Variants in DPP10 observed in about 807,000 individuals in gnomAD.
The protein encoded by DPP10 is dipeptidyl peptidase like 10, also known as inactive dipeptidyl peptidase 10.
Under a neutral mutation model 120.9 loss-of-function variants are expected in DPP10, and 33 were observed. The ratio of observed to expected loss-of-function variants is 0.27; its 90% CI spans 0.21 to 0.37. The LOEUF (loss-of-function observed/expected upper bound fraction) is 0.37, where lower values mean the gene tolerates loss of function less well. Among genes scored for constraint, DPP10 ranks in the 10% least tolerant of loss-of-function variants. The probability of loss-of-function intolerance (pLI) is 1.00; values close to 1 mark genes in which losing one functional copy is unlikely to be tolerated. For synonymous variants in DPP10, 337 were observed against 326.1 expected (o/e 1.03, Z -0.36); for missense variants, 816 against 942.8 (o/e 0.87, Z 1.76).
chr2:114,547,232 C>T (rs1328013989), intron 1 of DPP10, among the ~76,000 whole-genome samples: 2 of 152,214 alleles, frequency 1.3e-5, no homozygotes, highest in African/African-American at 2.4e-5. Context: ...AGCCCTGGGT[C>T]GCTGGCCTTC....
chr2:115,674,584 C>T (rs1419623191), intron 5 of DPP10, among the ~76,000 whole-genome samples: 2 of 152,084 alleles, frequency 1.3e-5, no homozygotes, highest in Non-Finnish European at 2.9e-5. Flanking sequence ...ATTTTCAAGG[C>T]TCAGTTGGTT....
At chr2:114,875,290 T>A (rs1308419292) in intron 1 of DPP10, among the ~76,000 whole-genome samples, 2 of 152,128 alleles carry the variant, frequency 1.3e-5, no homozygotes, top group Admixed American at 1.3e-4. Context: ...GGAGAAATAT[T>A]TGATGTAGTT....
At chr2:114,969,176 G>A (rs1300585528) in intron 1 of DPP10, among the ~76,000 whole-genome samples, 1 of 152,140 alleles carries the variant, frequency 6.6e-6, no homozygotes, top group South Asian at 2.1e-4. Context: ...ACTTCTGGCT[G>A]ATGTCATATA....
intron 5 of DPP10, among the ~76,000 whole-genome samples, chr2:115,554,197 C>T (rs2080066162): frequency 1.3e-5 from 2 of 151,732 alleles, no homozygotes; most frequent in African/African-American, 4.8e-5. Flanking sequence ...TAAAATTGGT[C>T]ATAATTGCTG....
chr2:114,604,176 C>T (rs576899862), intron 1 of DPP10, among the ~76,000 whole-genome samples: 2 of 152,074 alleles, frequency 1.3e-5, no homozygotes, highest in African/African-American at 2.4e-5. Context: ...AAATTCCAGA[C>T]ATCCTGAAGT....
chr2:115,225,246 G>A (rs2057374169), intron 1 of DPP10, among the ~76,000 whole-genome samples: 1 of 152,048 alleles, frequency 6.6e-6, no homozygotes. Context: ...CTCGCTCCAA[G>A]AGGGAAGATT....
Position 114,730,734 on chromosome 2 carries a change from C to A in DPP10, c.60+287896C>A, listed in dbSNP as rs538137705. ...TCCGCCTCCCGAGTAGCTGGGACTA[C>A]CGACATGCACCACCAGGCCTGGCTA... is the stretch of plus-strand genomic sequence containing the variant. On this transcript the variant is annotated intron_variant, in intron 1 of 25. Transcript: ENST00000410059. Among the ~76,000 whole-genome samples, 131 of 152,086 alleles carry A rather than the reference C, an allele frequency of 8.6e-4. 1 individual carries two copies. The highest frequency in any genetic ancestry group is 1.5e-3 in the Non-Finnish European group (100 of 67,996).
At chr2:115,445,029 T>C (rs562712362) in intron 3 of DPP10, among the ~76,000 whole-genome samples, 121 of 152,282 alleles carry the variant, frequency 7.9e-4, no homozygotes, top group African/African-American at 2.8e-3. Context: ...GCTGTTCTTA[T>C]GATAGTGAGT....
intron 1 of DPP10, among the ~76,000 whole-genome samples, chr2:114,521,473 C>T (rs568948977): frequency 1.3e-5 from 2 of 151,394 alleles, no homozygotes; most frequent in African/African-American, 2.4e-5. Context: ...AATTAGAAAG[C>T]GATTAGATAC....
chr2:115,330,023 A>G (rs2062615498), intron 2 of DPP10, among the ~76,000 whole-genome samples: 1 of 152,308 alleles, frequency 6.6e-6, no homozygotes, highest in Admixed American at 6.5e-5. Context: ...ACTGTCTGCC[A>G]TAATGGTTGA....
intron 1 of DPP10, among the ~76,000 whole-genome samples, chr2:114,655,030 T>C (rs1300913971): frequency 1.3e-5 from 2 of 152,322 alleles, no homozygotes; most frequent in Middle Eastern, 3.4e-3. Context: ...GATAAGTTAG[T>C]TAATATTCCT....
chr2:115,836,402 T>C, intron 22 of DPP10, 105 bp from the exon 23 acceptor site: 1 of 1,474,068 alleles, frequency 6.8e-7, no homozygotes, highest in Non-Finnish European at 9.3e-7. Context: ...ATTCAGCTGA[T>C]TTTACTAAAG....
intron 3 of DPP10, among the ~76,000 whole-genome samples, chr2:115,491,136 C>T (rs771443804): frequency 6.6e-6 from 1 of 152,034 alleles, no homozygotes; most frequent in Non-Finnish European, 1.5e-5. Context: ...AAAACAAAAA[C>T]AAACAAAACC....
intron 2 of DPP10, among the ~76,000 whole-genome samples, chr2:115,340,214 C>A (rs2063375992): frequency 6.6e-6 from 1 of 151,980 alleles, no homozygotes; most frequent in Non-Finnish European, 1.5e-5. Flanking sequence ...AAAATAAAAA[C>A]TCATAATTGA....
At chr2:115,039,256 T>C (rs961972313) in intron 1 of DPP10, among the ~76,000 whole-genome samples, 4 of 152,226 alleles carry the variant, frequency 2.6e-5, no homozygotes, top group African/African-American at 4.8e-5. Context: ...GAGAATGATA[T>C]GTCCTGCTAA....
intron 1 of DPP10, among the ~76,000 whole-genome samples, chr2:115,104,224 A>G (rs1344721998): frequency 6.1e-5 from 7 of 115,600 alleles, no homozygotes; most frequent in African/African-American, 2.1e-4. Context: ...TCTGTTGCCC[A>G]GGCTGGAGTA....
intron 5 of DPP10, among the ~76,000 whole-genome samples, chr2:115,534,473 G>C (rs1173901978): frequency 1.3e-5 from 2 of 151,280 alleles, no homozygotes; most frequent in African/African-American, 2.4e-5. Context: ...GTATTCCATG[G>C]TGTATATGTG....
intron 23 of DPP10, 27 bp downstream of exon 23, chr2:115,836,592 A>G: frequency 6.2e-7 from 1 of 1,611,970 alleles, no homozygotes; most frequent in Non-Finnish European, 8.5e-7. Context: ...TAACAAAGAA[A>G]GAGGAGTATT....
chr2:115,382,142 C>A (rs771736118), intron 3 of DPP10, among the ~76,000 whole-genome samples: 1 of 152,090 alleles, frequency 6.6e-6, no homozygotes, highest in Non-Finnish European at 1.5e-5. Context: ...CAATGGCGGG[C>A]GCCCCTCCCC....
Sources: allele counts gnomAD v4.1 joint callset (sites outside exome capture counted in the v4.1 genomes callset), GRCh38; gene constraint gnomAD v4.1.1; transcripts MANE v1.5; gene names NCBI Gene and HGNC (gene_info 2026-07-23, HGNC 2026-07-21).